The following CYTH3 variants were observed in gnomAD, a reference collection of about 807,000 sequenced individuals.
The protein encoded by CYTH3 is cytohesin-3.
Under a neutral mutation model 55.1 loss-of-function variants are expected in CYTH3, and 23 were observed. The ratio of observed to expected loss-of-function variants is 0.42; its 90% CI spans 0.30 to 0.59. CYTH3 has a LOEUF of 0.59. Among genes scored for constraint, CYTH3 ranks in the 20% least tolerant of loss-of-function variants. CYTH3 has a pLI of 0.20. For synonymous variants in CYTH3, 249 were observed against 194.9 expected, an observed-to-expected ratio of 1.28 and a Z score of -2.31; for missense variants, 413 against 524.8, an observed-to-expected ratio of 0.79 and a Z score of 2.08.
intron 1 of CYTH3, chr7:6,212,600 CAG>C (rs987428298): frequency 3.3e-5 from 5 of 152,104 alleles, no homozygotes; most frequent in Non-Finnish European, 5.9e-5. Context: ...TGGCATGTGA[CAG>C]AGTTTCCTTT....
chr7:6,241,332 T>C lies in CYTH3; in HGVS notation c.34+31142A>G, dbSNP rs189210873. On this transcript the variant is annotated intron_variant, in intron 1 of 12. Transcript: ENST00000350796. ...TAACAACCCAACAGATAAATGGGCA[T>C]ATAACCAGAGAAGAGCAAATGCAAA... Among the ~76,000 whole-genome samples the C allele has an allele frequency of 2.6e-3, 400 of 152,270 alleles. 1 individual carries two copies. Among genetic ancestry groups the C allele is most frequent in the African/African-American group, 8.8e-3 (367 of 41,548 alleles).
At chr7:6,248,555 G>A (rs757950276) in intron 1 of CYTH3, among the ~76,000 whole-genome samples, 3 of 152,180 alleles carry the variant, frequency 2.0e-5, no homozygotes, top group East Asian at 1.9e-4. Flanking sequence ...GTGGCGCCCA[G>A]GAGAAGCTCT....
chr7:6,190,428 GTTTTTTTT>G lies in CYTH3; in HGVS notation c.117+13_117+20del. 7.9e-7 allele frequency: 1 copy of G among 1,265,628 alleles called. No homozygotes were observed. Among genetic ancestry groups the G allele is most frequent in the Non-Finnish European group, 1.0e-6 (1 of 985,534 alleles). The allele number at this position is 1,265,628 out of a possible 1,614,324, so 78.4% of individuals were successfully genotyped here. On this transcript the variant is annotated intron_variant, in intron 2 of 12. Transcript: ENST00000350796. ...CAAAAAACAGAGTTTTGGATTTTTG[GTTTTTTTT>G]TTTTTTTTTTACCTCAATGTCATCA...
intron 6 of CYTH3, among the ~76,000 whole-genome samples, chr7:6,172,313 C>G (rs1783221507): frequency 6.6e-6 from 1 of 152,072 alleles, no homozygotes; most frequent in African/African-American, 2.4e-5. Flanking sequence ...TCTGGCCCCA[C>G]TCTCTACCAG....
At chr7:6,172,183 C>G (rs1053457145) in intron 6 of CYTH3, 6 of 152,780 alleles carry the variant, frequency 3.9e-5, no homozygotes, top group African/African-American at 1.4e-4. Context: ...CTGATCCCAC[C>G]AGCCATCGGG....
chr7:6,193,770 G>T (rs112443402), intron 1 of CYTH3, among the ~76,000 whole-genome samples: 1 of 152,166 alleles, frequency 6.6e-6, no homozygotes, highest in Non-Finnish European at 1.5e-5. Context: ...TATCTTTAGA[G>T]AACAAAACAG....
chr7:6,202,687 G>A (rs929907056), intron 1 of CYTH3, among the ~76,000 whole-genome samples: 4 of 151,814 alleles, frequency 2.6e-5, no homozygotes, highest in Admixed American at 2.0e-4. Context: ...TCAAACTCCC[G>A]ACCTGAGGTG....
At chr7:6,242,928 A>C (rs1779712237) in intron 1 of CYTH3, among the ~76,000 whole-genome samples, 1 of 152,088 alleles carries the variant, frequency 6.6e-6, no homozygotes, top group Non-Finnish European at 1.5e-5. Flanking sequence ...TGGGAACAAA[A>C]AAAGAACCAG....
chr7:6,204,864 T>A (rs566984793), intron 1 of CYTH3, among the ~76,000 whole-genome samples: 1 of 152,166 alleles, frequency 6.6e-6, no homozygotes, highest in Non-Finnish European at 1.5e-5. Context: ...TAAAAATCAA[T>A]TGCAAAACAG....
intron 1 of CYTH3, among the ~76,000 whole-genome samples, chr7:6,262,244 G>A (rs911860830): frequency 1.3e-5 from 2 of 152,112 alleles, no homozygotes; most frequent in Non-Finnish European, 2.9e-5. Context: ...TTACAGTCCT[G>A]GAAGGAGATG....
chr7:6,196,448 CTTTTTTTCTTTTTTTT>C (rs1783931376), intron 1 of CYTH3, among the ~76,000 whole-genome samples: 1 of 135,256 alleles, frequency 7.4e-6, no homozygotes, highest in African/African-American at 2.9e-5. Context: ...CATCTTTTTT[CTTTTTTTCTTTTTTTT>C]TTTTTTTTTT....
rs867287441 is a variant in CYTH3, at chr7:6,165,308, G to C, written c.1092C>G (p.Ser364Arg). 1 of 1,613,944 alleles carries C rather than the reference G, an allele frequency of 6.2e-7. No homozygotes were observed. The change falls in exon 12 of 13, where the codon AGC (serine) becomes AGG (arginine). Residue 364 changes from serine (S) to arginine (R), a missense_variant. Ser to Arg is a moderately radical substitution (Grantham distance 110). Transcript: ENST00000350796. ...NHVVYRISAP[S>R]PEEKEEWMKS... ...TCATCCACTCCTCCTTCTCCTCCGG[G>C]CTCGGGGCTGAGATCCGGTACACCA...
chr7:6,231,996 T>C (rs545335478), intron 1 of CYTH3, among the ~76,000 whole-genome samples: 1 of 152,302 alleles, frequency 6.6e-6, no homozygotes, highest in East Asian at 1.9e-4. Flanking sequence ...TTGCCCCCGT[T>C]TGCATCTGAG....
chr7:6,230,331 T>C (rs539561314), intron 1 of CYTH3, among the ~76,000 whole-genome samples: 2 of 152,108 alleles, frequency 1.3e-5, no homozygotes, highest in African/African-American at 4.8e-5. Context: ...TATATCTCCA[T>C]AAAGCAGAGT....
intron 1 of CYTH3, among the ~76,000 whole-genome samples, chr7:6,217,852 C>T (rs754343922): frequency 2.0e-5 from 3 of 151,968 alleles, no homozygotes; most frequent in Admixed American, 6.6e-5. Context: ...ACAAAAGGAA[C>T]TCTGCAAATA....
At chr7:6,198,255 A>C (rs1306472224) in intron 1 of CYTH3, among the ~76,000 whole-genome samples, 1 of 152,268 alleles carries the variant, frequency 6.6e-6, no homozygotes, top group Non-Finnish European at 1.5e-5. Flanking sequence ...GGAGTATGTG[A>C]TAAAGTATTT....
chr7:6,268,055 A>G (rs1780549045), intron 1 of CYTH3, among the ~76,000 whole-genome samples: 1 of 152,162 alleles, frequency 6.6e-6, no homozygotes, highest in Non-Finnish European at 1.5e-5. Context: ...AACCATTGTT[A>G]TTGGTTCCTC....
intron 1 of CYTH3, among the ~76,000 whole-genome samples, chr7:6,227,395 A>G (rs1342013347): frequency 2.0e-5 from 3 of 152,214 alleles, no homozygotes; most frequent in Non-Finnish European, 4.4e-5. Flanking sequence ...AATGAAAAAC[A>G]TATGTTCATC....
At chr7:6,176,555 C>T (rs1054330007) in intron 5 of CYTH3, among the ~76,000 whole-genome samples, 5 of 152,160 alleles carry the variant, frequency 3.3e-5, no homozygotes, top group African/African-American at 1.2e-4. Context: ...GGCACCACGC[C>T]TGGCCAATTG....
Sources: gnomAD v4.1 joint callset for allele counts (sites outside exome capture counted in the v4.1 genomes callset) on GRCh38, gnomAD v4.1.1 for gene constraint, MANE v1.5 for transcripts, NCBI Gene and HGNC (gene_info 2026-07-23, HGNC 2026-07-21) for gene names.